COL5A3: variants seen among roughly 807,000 people sequenced by gnomAD.
The protein encoded by COL5A3 is collagen type V alpha 3 chain, also known as collagen alpha-3(V) chain.
A neutral mutation model predicts 250.0 loss-of-function variants in COL5A3; 172 were observed. That is an observed-to-expected ratio of 0.69 (90% CI 0.61 to 0.78). The LOEUF (loss-of-function observed/expected upper bound fraction) is 0.78. Ranked by LOEUF, COL5A3 falls within the 30% of genes least tolerant of loss-of-function variation. COL5A3 has a pLI of 0.00. For missense variants in COL5A3, 2,340 were observed against 2,334.4 expected (o/e 1.00, Z -0.05); for synonymous variants, 937 against 900.4 (o/e 1.04, Z -0.73).
intron 27 of COL5A3, among the ~76,000 whole-genome samples, chr19:9,987,053 C>T (rs1359442589): frequency 6.6e-6 from 1 of 152,198 alleles, no homozygotes; most frequent in African/African-American, 2.4e-5. Context: ...AGAGGATGAA[C>T]ATTCCAGGCC....
At chr19:9,987,107 G>A (rs1221495092) in intron 27 of COL5A3, among the ~76,000 whole-genome samples, 1 of 152,196 alleles carries the variant, frequency 6.6e-6, no homozygotes, top group Non-Finnish European at 1.5e-5. Flanking sequence ...CATTGTGCCA[G>A]CTACAAGGCG....
At chr19:9,986,254 C>T (rs2087098011) in intron 30 of COL5A3, 61 bp downstream of exon 30, 4 of 1,164,960 alleles carry the variant, frequency 3.4e-6, no homozygotes, top group Non-Finnish European at 4.8e-6. Flanking sequence ...GGGCAAAGGG[C>T]AGAGGGAAAA....
rs970850388 is a variant in COL5A3, at chr19:10,009,162, GTGTGTGTGTGT to G, written c.88+1125_88+1135del. 9.7e-4 allele frequency among the ~76,000 whole-genome samples: 11 copies of G among 11,320 alleles called. No individual in the cohort carries two copies. Among genetic ancestry groups the G allele is most frequent in the African/African-American group, 1.6e-3 (10 of 6,120 alleles). 7.4% of individuals were successfully genotyped at this position (11,320 alleles called of 152,430 possible). ...ACTCCAAAGTAAGAAGTGTGCTGTG[GTGTGTGTGTGT>G]GTGTGTGTGTGTGTGTGTGTGTGTG... is the stretch of plus-strand genomic sequence containing the variant. On this transcript the variant is annotated intron_variant, in intron 1 of 66. Transcript: ENST00000264828. This position sits in a 1 kb window ranked among gnomAD's most constrained non-coding sequence, Gnocchi z 4.4.
chr19:9,966,889 G>C, intron 62 of COL5A3, 143 bp from the exon 63 acceptor site: 1 of 662,016 alleles, frequency 1.5e-6, no homozygotes, highest in Non-Finnish European at 2.5e-6. Flanking sequence ...GGCAGAGATA[G>C]AGAAAGGAGA....
chr19:9,973,753 C>T lies in COL5A3; in HGVS notation c.3612+3G>A, dbSNP rs374943280. 3 of 1,613,922 alleles carry T rather than the reference C, an allele frequency of 1.9e-6. No individual in the cohort carries two copies. In the African/African-American group the frequency reaches 4.0e-5, roughly 22 times the overall value. The stretch of plus-strand genomic sequence containing the variant: ...CGTGCAGCCCCTGCCTTCCCTCACT[C>T]ACCTTCTCACCCACGGCGCCTGGCT... On this transcript the variant is annotated splice_donor_region_variant and intron_variant, in intron 49 of 66. Coordinates refer to ENST00000264828, the MANE Select transcript of COL5A3 (RefSeq NM_015719.4).
Position 9,968,778 on chromosome 19 carries a change from G to A in COL5A3, c.4153-50C>T. On this transcript the variant is annotated intron_variant, in intron 57 of 66. Coordinates refer to ENST00000264828, the MANE Select transcript of COL5A3 (RefSeq NM_015719.4). This position sits in a 1 kb window ranked among gnomAD's most constrained non-coding sequence, Gnocchi z 4.1. ...AGGGATTCTCAAATGTGAACTCGAGGTCTGTGTGGGTGGTTAGGGGATGGT... is the reference window on the plus strand; with the variant it reads ...AGGGATTCTCAAATGTGAACTCGAGATCTGTGTGGGTGGTTAGGGGATGGT... 6.6e-7 allele frequency: 1 copy of A among 1,509,216 alleles called. No homozygotes were observed. The highest frequency in any genetic ancestry group is 9.1e-7 in the Non-Finnish European group (1 of 1,097,506). 93.5% of individuals were successfully genotyped at this position (1,509,216 alleles called of 1,614,324 possible).
rs780842045 is a variant in COL5A3 at position 9,993,109 on chromosome 19, C to T, written c.1750-42G>A. 6 of 1,600,784 alleles carry T rather than the reference C, an allele frequency of 3.7e-6. No individual in the cohort carries two copies. The Admixed American group carries it at 8.4e-5, about 23-fold the overall frequency. ...TTACTTGGGAACAGGAAGGTACAAC[C>T]CTCGGAGAGCCACCTCCCCTCATCT... is the stretch of plus-strand genomic sequence containing the variant. On this transcript the variant is annotated intron_variant, in intron 19 of 66. Transcript: ENST00000264828.
At position 9,979,235 on chromosome 19, in the gene COL5A3, T is replaced by G. The variant is rs774540757; in HGVS notation, c.2771A>C (p.Lys924Thr). ...GPAGVLGPQG[K>T]TGEVGPLGER... ...ACCTAGAGGTCCCACTTCTCCTGTC[T>G]TTCCCTGGTGAGGAAGAAGGCTCCT... The change falls in exon 39 of 67, where the codon AAG becomes ACG. Residue 924 changes from lysine to threonine, a missense_variant. This residue lies in a region of COL5A3 where 1,179 missense variants were observed against 1,162.6 expected (regional missense o/e 1.01). Coordinates refer to ENST00000264828, the MANE Select transcript of COL5A3 (RefSeq NM_015719.4). The G allele has an allele frequency of 1.2e-6, 2 of 1,608,008 alleles. No individual in the cohort carries two copies. The highest frequency in any genetic ancestry group is 4.5e-5 in the East Asian group (2 of 44,834).
At chr19:10,006,368 GA>G in intron 1 of COL5A3, 137 bp from the exon 2 acceptor site, 1 of 866,322 alleles carries the variant, frequency 1.2e-6, no homozygotes, top group Non-Finnish European at 1.7e-6. Context: ...TGTGGCTCAG[GA>G]AGAAGGAGCC....
chr19:9,977,947 C>CATACAT (rs1555736344), intron 41 of COL5A3, among the ~76,000 whole-genome samples: 2 of 106,140 alleles, frequency 1.9e-5, no homozygotes, highest in Admixed American at 1.1e-4. Flanking sequence ...GCAGCCTATA[C>CATACAT]ATATATATAT....
At chr19:9,985,989 T>C in intron 30 of COL5A3, 94 bp from the exon 31 acceptor site, 1 of 1,105,756 alleles carries the variant, frequency 9.0e-7, no homozygotes. Flanking sequence ...AATGGGCTAA[T>C]GGGATGGGAG....
At chr19:9,977,317 A>G in intron 43 of COL5A3, 35 bp from the exon 44 acceptor site, 1 of 1,613,052 alleles carries the variant, frequency 6.2e-7, no homozygotes, top group Non-Finnish European at 8.5e-7. Flanking sequence ...CCCAGCTTCC[A>G]TTCACCCCCA....
rs1042421055 is a variant in COL5A3, at chr19:9,979,366, G to C, written c.2764C>G (p.Gln922Glu). 2 of 1,614,124 alleles carry C rather than the reference G, an allele frequency of 1.2e-6. No homozygotes were observed. The highest frequency in any genetic ancestry group is 1.7e-6 in the Non-Finnish European group (2 of 1,180,002). ...AGGTTTATGGAGTCCACTCTGACCT[G>C]AGGGCCTAAGACACCAGCTGGTCCA... is the stretch of plus-strand genomic sequence containing the variant. Reference protein sequence around the residue: ...PPGPAGVLGPQGKTGEVGPLG... With the variant: ...PPGPAGVLGPEGKTGEVGPLG... Residue 922 changes from glutamine to glutamate, a missense_variant and splice_region_variant, in exon 38 of 67, where the codon CAG (glutamine) becomes GAG (glutamate). Gln to Glu is a conservative substitution (Grantham distance 29). Coordinates refer to ENST00000264828, the MANE Select transcript of COL5A3 (RefSeq NM_015719.4).
chr19:10,008,458 CA>C (rs1273350751), intron 1 of COL5A3, among the ~76,000 whole-genome samples: 1 of 151,056 alleles, frequency 6.6e-6, no homozygotes, highest in African/African-American at 2.4e-5. Flanking sequence ...GGGGGTCTGT[CA>C]GGGGCCCAGC....
chr19:10,001,056 C>T (rs1477978510), intron 8 of COL5A3, among the ~76,000 whole-genome samples: 1 of 152,002 alleles, frequency 6.6e-6, no homozygotes, highest in Admixed American at 6.5e-5. Context: ...ACAAGCTTAC[C>T]TATGTAACAA....
intron 53 of COL5A3, 31 bp downstream of exon 53, chr19:9,970,944 T>C: frequency 6.6e-7 from 1 of 1,508,252 alleles, no homozygotes; most frequent in Non-Finnish European, 8.9e-7. Flanking sequence ...AACCCCCGCC[T>C]CAGCACCACA....
chr19:9,988,855 A>AAAAGAAAGAAAG (rs2087144022), intron 27 of COL5A3, among the ~76,000 whole-genome samples: 1 of 104,766 alleles, frequency 9.5e-6, no homozygotes, highest in African/African-American at 4.5e-5. Flanking sequence ...AAAAAAAAAA[A>AAAAGAAAGAAAG]AAAGAAAGTA....
intron 31 of COL5A3, among the ~76,000 whole-genome samples, chr19:9,985,509 G>A (rs764900720): frequency 8.0e-5 from 12 of 149,898 alleles, no homozygotes; most frequent in East Asian, 2.0e-4. Context: ...ATCCGCCTGC[G>A]TCTGCCGCCC....
At position 9,968,791 on chromosome 19, in the gene COL5A3, G is replaced by T; in HGVS notation, c.4153-63C>A. The T allele has an allele frequency of 2.1e-6, 3 of 1,403,646 alleles. No individual in the cohort carries two copies. Among genetic ancestry groups the T allele is most frequent in the African/African-American group, 1.4e-5 (1 of 70,490 alleles). 86.9% of individuals were successfully genotyped at this position (1,403,646 alleles called of 1,614,324 possible). ...TGTGAACTCGAGGTCTGTGTGGGTG[G>T]TTAGGGGATGGTCAAATGGGAAATT... On this transcript the variant is annotated intron_variant, in intron 57 of 66. Coordinates refer to ENST00000264828, the MANE Select transcript of COL5A3 (RefSeq NM_015719.4). This position sits in a 1 kb window ranked among gnomAD's most constrained non-coding sequence, Gnocchi z 4.1.
Sources: gnomAD v4.1 joint callset for allele counts (sites outside exome capture counted in the v4.1 genomes callset) on GRCh38, gnomAD v4.1.1 for gene constraint, gnomAD v4.1.1 regional missense constraint, Gnocchi (gnomAD v3.1) non-coding constraint, MANE v1.5 for transcripts, NCBI Gene and HGNC (gene_info 2026-07-23, HGNC 2026-07-21) for gene names.